PDE9A: variants seen among roughly 807,000 people sequenced by gnomAD.
The protein encoded by PDE9A is high affinity cGMP-specific 3',5'-cyclic phosphodiesterase 9A.
A neutral mutation model predicts 87.4 loss-of-function variants in PDE9A; 60 were observed. The ratio of observed to expected loss-of-function variants is 0.69; its 90% confidence interval spans 0.56 to 0.85. The LOEUF is 0.85. Among genes scored for constraint, PDE9A ranks in the 40% least tolerant of loss-of-function variants. The probability of loss-of-function intolerance (pLI) is 0.00; values close to 1 mark genes in which losing one functional copy is unlikely to be tolerated. For missense variants in PDE9A, 665 were observed against 779.0 expected, an observed-to-expected ratio of 0.85 and a Z score of 1.74; for synonymous variants, 272 against 279.4, an observed-to-expected ratio of 0.97 and a Z score of 0.27.
In PDE9A at chr21:42,704,433, A is replaced by AACACAC. The variant is rs34581078; in HGVS notation, c.262+5454_262+5459dup. ...CAGGTAGACCCCCCCCACCCCACCA[A>AACACAC]ACACACACACACACACACACACACA... On this transcript the variant is annotated intron_variant, in intron 4 of 19. Transcript: ENST00000291539. This position sits in a 1 kb window ranked among gnomAD's most constrained non-coding sequence, Gnocchi z 5.3. Among the ~76,000 whole-genome samples the AACACAC allele has an allele frequency of 0.052, 7,071 of 137,048 alleles. 256 individuals are homozygous for AACACAC. The highest frequency in any genetic ancestry group is 0.13 in the Middle Eastern group (35 of 270). The allele number at this position is 137,048 out of a possible 152,430, so 89.9% of individuals were successfully genotyped here.
intron 7 of PDE9A, chr21:42,741,404 T>C (rs1008067210): frequency 2.0e-5 from 3 of 152,234 alleles, no homozygotes; most frequent in Non-Finnish European, 4.4e-5. Flanking sequence ...ATGTGGACTC[T>C]TAGTGGTTGG....
intron 1 of PDE9A, among the ~76,000 whole-genome samples, chr21:42,661,579 A>T (rs928800310): frequency 3.3e-5 from 5 of 152,120 alleles, no homozygotes; most frequent in African/African-American, 1.2e-4. Flanking sequence ...TGCCTTTTTA[A>T]GGCCGAGCGG....
At chr21:42,756,687 C>G (rs1228465978) in intron 10 of PDE9A, 1 of 152,620 alleles carries the variant, frequency 6.6e-6, no homozygotes, top group African/African-American at 2.4e-5. Flanking sequence ...CCGCCTCTAT[C>G]AAGTGCAGAG....
intron 9 of PDE9A, 25 bp downstream of exon 9, chr21:42,751,222 G>A (rs1188256340): frequency 1.3e-6 from 2 of 1,539,752 alleles, no homozygotes; most frequent in Admixed American, 1.7e-5. Flanking sequence ...CGGCCCAGAA[G>A]AAGCTGCAGC....
At chr21:42,721,344 C>T (rs1377212862) in intron 4 of PDE9A, among the ~76,000 whole-genome samples, 1 of 152,202 alleles carries the variant, frequency 6.6e-6, no homozygotes, top group Non-Finnish European at 1.5e-5. Context: ...CTCTCTAGAA[C>T]TTCACGTTTG....
chr21:42,762,052 A>T, intron 13 of PDE9A, 31 bp from the exon 14 acceptor site: 1 of 1,600,648 alleles, frequency 6.2e-7, no homozygotes, highest in Non-Finnish European at 8.5e-7. Flanking sequence ...AGGGCGCCTG[A>T]GTCTCCCCTC....
At chr21:42,666,273 C>G (rs1373496758) in intron 1 of PDE9A, among the ~76,000 whole-genome samples, 1 of 152,144 alleles carries the variant, frequency 6.6e-6, no homozygotes, top group Non-Finnish European at 1.5e-5. Context: ...TCCTTGTCGA[C>G]GAGGATCTCA....
chr21:42,775,425 T>C lies in PDE9A; in HGVS notation c.*132T>C. 3.6e-6 allele frequency: 2 copies of C among 549,692 alleles called. No individual in the cohort carries two copies. Among genetic ancestry groups the C allele is most frequent in the Non-Finnish European group, 6.0e-6 (2 of 332,484 alleles). The allele number at this position is 549,692 out of a possible 1,614,324, so 34.1% of individuals were successfully genotyped here. ...TTCTAAGAACCATTTTGTTCACTGA[T>C]ACAAAAAAAAAAAAAGGAATTCATG... On this transcript the variant is annotated 3_prime_UTR_variant, in exon 20 of 20. Transcript: ENST00000291539.
chr21:42,670,176 CACAT>C (rs1171490540), intron 1 of PDE9A, among the ~76,000 whole-genome samples: 2 of 145,802 alleles, frequency 1.4e-5, no homozygotes, highest in Non-Finnish European at 1.5e-5. Flanking sequence ...TTCACACGCA[CACAT>C]ACACTTACAC....
chr21:42,703,547 G>C (rs1461234624), intron 4 of PDE9A, among the ~76,000 whole-genome samples: 1 of 152,258 alleles, frequency 6.6e-6, no homozygotes, highest in African/African-American at 2.4e-5. Flanking sequence ...AGAGTTAGAA[G>C]AGCATCGCTG....
intron 4 of PDE9A, among the ~76,000 whole-genome samples, chr21:42,709,828 C>T (rs936696988): frequency 2.0e-5 from 3 of 152,116 alleles, no homozygotes; most frequent in East Asian, 1.9e-4. Context: ...ATGTTGCCCA[C>T]GCTGGTGTCG....
At chr21:42,698,903 C>G (rs1191542424) in intron 3 of PDE9A, 65 bp from the exon 4 acceptor site, 1 of 1,071,184 alleles carries the variant, frequency 9.3e-7, no homozygotes, top group African/African-American at 1.6e-5. Context: ...GTGCTTATCT[C>G]TCCTGCCAGG....
chr21:42,714,394 G>A (rs1050895002), intron 4 of PDE9A, among the ~76,000 whole-genome samples: 1 of 152,212 alleles, frequency 6.6e-6, no homozygotes, highest in African/African-American at 2.4e-5. Context: ...CAGATGGTGA[G>A]CAGAGCCCCC....
Position 42,731,967 on chromosome 21 carries a change from G to C in PDE9A, c.442+18G>C, listed in dbSNP as rs560619913. 1.9e-6 allele frequency: 3 copies of C among 1,611,970 alleles called. No homozygotes were observed. Among genetic ancestry groups the C allele is most frequent in the Non-Finnish European group, 2.5e-6 (3 of 1,178,770 alleles). On this transcript the variant is annotated intron_variant, in intron 5 of 19. Transcript: ENST00000291539. ...CCCTCCAGGTAACGGGCAGCTCCTC[G>C]GCCACAGCCTCCACCCCCCAACACG...
chr21:42,683,088 G>A (rs575076542), intron 1 of PDE9A, among the ~76,000 whole-genome samples: 33 of 152,220 alleles, frequency 2.2e-4, no homozygotes, highest in South Asian at 6.2e-4. Context: ...GAGCCGGAAA[G>A]TCCAACAGTA....
At chr21:42,699,149 A>C in intron 4 of PDE9A, 138 bp downstream of exon 4, 1 of 622,806 alleles carries the variant, frequency 1.6e-6, no homozygotes, top group Non-Finnish European at 2.9e-6. Flanking sequence ...GAAGCATTTA[A>C]CTATATGTTA....
intron 1 of PDE9A, among the ~76,000 whole-genome samples, chr21:42,667,122 G>A (rs183644581): frequency 2.0e-5 from 3 of 152,142 alleles, no homozygotes; most frequent in African/African-American, 7.2e-5. Context: ...GGGCCATGCT[G>A]GCGAAACAGC....
chr21:42,752,733 A>G (rs1472337513), intron 9 of PDE9A, among the ~76,000 whole-genome samples: 1 of 152,266 alleles, frequency 6.6e-6, no homozygotes, highest in Admixed American at 6.5e-5. Context: ...ACAAATATCC[A>G]GTAAGACCTA....
rs58306941 is a variant in PDE9A at position 42,740,583 on chromosome 21, GTGGATGGA to G, written c.569-3158_569-3151del. 9.0e-3 allele frequency among the ~76,000 whole-genome samples: 982 copies of G among 108,938 alleles called. 10 individuals are homozygous for G. Among genetic ancestry groups the G allele is most frequent in the African/African-American group, 0.029 (738 of 25,490 alleles). 71.5% of individuals were successfully genotyped at this position (108,938 alleles called of 152,430 possible). On this transcript the variant is annotated intron_variant, in intron 7 of 19. Coordinates refer to ENST00000291539, the MANE Select transcript of PDE9A (RefSeq NM_002606.3). ...ATATGATGAATGCATAGATGGATGG[GTGGATGGA>G]TGGATGGATGGATGGATGGATGGAT... is the stretch of plus-strand genomic sequence containing the variant.
Sources: allele counts gnomAD v4.1 joint callset (sites outside exome capture counted in the v4.1 genomes callset), GRCh38; gene constraint gnomAD v4.1.1; non-coding constraint Gnocchi (gnomAD v3.1); transcripts MANE v1.5; gene names NCBI Gene and HGNC (gene_info 2026-07-23, HGNC 2026-07-21).